Variants in GLCCI1 observed in about 807,000 individuals in gnomAD.
GLCCI1 encodes glucocorticoid induced 1, also known as glucocorticoid-induced transcript 1 protein.
GLCCI1 carries 24 observed loss-of-function variants against 52.2 expected under a neutral mutation model. The observed-to-expected ratio is 0.46, with a 90% confidence interval of 0.33 to 0.65. GLCCI1 has a LOEUF of 0.65. Ranked by LOEUF, GLCCI1 falls within the 30% of genes least tolerant of loss-of-function variation. The pLI is 0.02. For missense variants in GLCCI1, 704 were observed against 701.5 expected, an observed-to-expected ratio of 1.00 and a Z score of -0.04; for synonymous variants, 310 against 276.5, an observed-to-expected ratio of 1.12 and a Z score of -1.20.
intron 1 of GLCCI1, among the ~76,000 whole-genome samples, chr7:7,995,312 C>T (rs548147102): frequency 2.0e-4 from 31 of 152,172 alleles, no homozygotes; most frequent in Non-Finnish European, 4.0e-4. Context: ...AGTTCCAGAC[C>T]GTCCTGGGCA....
chr7:7,972,620 A>G (rs1490554432), intron 1 of GLCCI1, among the ~76,000 whole-genome samples: 5 of 152,208 alleles, frequency 3.3e-5, no homozygotes, highest in Non-Finnish European at 7.3e-5. Flanking sequence ...AATAAATTAT[A>G]TCATTATCTG....
intron 2 of GLCCI1, among the ~76,000 whole-genome samples, chr7:8,006,757 C>T (rs1485783876): frequency 6.6e-5 from 10 of 152,140 alleles, no homozygotes; most frequent in Admixed American, 2.0e-4. Flanking sequence ...AGTTACATGC[C>T]GGTATATGTC....
chr7:8,022,004 A>G (rs1434136586), intron 2 of GLCCI1, among the ~76,000 whole-genome samples: 1 of 152,208 alleles, frequency 6.6e-6, no homozygotes, highest in Non-Finnish European at 1.5e-5. Flanking sequence ...CAAAAAAGAT[A>G]CTAATACTTA....
At chr7:8,051,431 A>G (rs1047080684) in intron 3 of GLCCI1, among the ~76,000 whole-genome samples, 1 of 152,194 alleles carries the variant, frequency 6.6e-6, no homozygotes, top group Non-Finnish European at 1.5e-5. Flanking sequence ...TGGGCATGTC[A>G]TTCATTTCTG....
At chr7:7,981,921 C>A in intron 1 of GLCCI1, 1 of 458,442 alleles carries the variant, frequency 2.2e-6, no homozygotes, top group South Asian at 1.6e-5. Flanking sequence ...GAAGAAAACC[C>A]ATCACTGCTC....
chr7:8,056,004 A>AC (rs1179895138), intron 4 of GLCCI1, among the ~76,000 whole-genome samples: 9 of 147,058 alleles, frequency 6.1e-5, no homozygotes, highest in Non-Finnish European at 1.4e-4. Context: ...AAAAAAAAAA[A>AC]AAACAAAAAC....
chr7:8,047,434 A>T (rs1782156139), intron 3 of GLCCI1, among the ~76,000 whole-genome samples: 1 of 152,212 alleles, frequency 6.6e-6, no homozygotes, highest in East Asian at 1.9e-4. Flanking sequence ...TCTGCTAAGG[A>T]AATAAGGATT....
chr7:8,087,544 A>G lies in GLCCI1; in HGVS notation c.*1006A>G, dbSNP rs1420371571. 1 of 152,582 alleles carries G rather than the reference A, an allele frequency of 6.6e-6. No individual in the cohort carries two copies. Among genetic ancestry groups the G allele is most frequent in the African/African-American group, 2.4e-5 (1 of 41,460 alleles). 9.5% of individuals were successfully genotyped at this position (152,582 alleles called of 1,614,324 possible). On this transcript the variant is annotated 3_prime_UTR_variant, in exon 8 of 8. Coordinates refer to ENST00000223145, the MANE Select transcript of GLCCI1 (RefSeq NM_138426.4). ...TGGTTGAGATTTTTTTGTTTATGTT[A>G]GCCATCAGGGTCATAACTGTTACCA...
At chr7:8,078,856 G>A (rs1431017755) in intron 6 of GLCCI1, 7 of 152,138 alleles carry the variant, frequency 4.6e-5, no homozygotes, top group African/African-American at 1.7e-4. Flanking sequence ...TATTGGAGAT[G>A]GAACAGACTT....
chr7:8,040,156 C>G (rs1415171616), intron 3 of GLCCI1, among the ~76,000 whole-genome samples: 2 of 152,018 alleles, frequency 1.3e-5, no homozygotes, highest in African/African-American at 4.8e-5. Context: ...AAAAGGTGTT[C>G]AACATCATTC....
At chr7:7,974,936 T>G (rs975788590) in intron 1 of GLCCI1, among the ~76,000 whole-genome samples, 1 of 152,226 alleles carries the variant, frequency 6.6e-6, no homozygotes, top group African/African-American at 2.4e-5. Context: ...ACTGACACTC[T>G]TTTTGTGCTA....
intron 1 of GLCCI1, 21 bp from the exon 2 acceptor site, chr7:8,003,887 C>CT (rs745549907): frequency 1.6e-5 from 25 of 1,588,534 alleles, no homozygotes; most frequent in Admixed American, 3.5e-5. Flanking sequence ...AATGACTAAT[C>CT]TTTTTTTTCA....
At chr7:8,002,069 C>T (rs1405616294) in intron 1 of GLCCI1, among the ~76,000 whole-genome samples, 4 of 151,328 alleles carry the variant, frequency 2.6e-5, no homozygotes, top group African/African-American at 7.3e-5. Context: ...ACATTGTGCA[C>T]ATGTACCCTA....
chr7:8,085,125 T>G, intron 7 of GLCCI1, 108 bp downstream of exon 7: 1 of 1,245,166 alleles, frequency 8.0e-7, no homozygotes, highest in Non-Finnish European at 1.1e-6. Flanking sequence ...GATAATGTGT[T>G]TCAAGAGCAA....
chr7:7,979,291 C>T (rs1262210503), intron 1 of GLCCI1, among the ~76,000 whole-genome samples: 1 of 152,100 alleles, frequency 6.6e-6, no homozygotes, highest in Non-Finnish European at 1.5e-5. Context: ...AAAACGCATT[C>T]AGGGAATTGC....
At chr7:8,033,900 A>C (rs893111287) in intron 3 of GLCCI1, among the ~76,000 whole-genome samples, 2 of 152,182 alleles carry the variant, frequency 1.3e-5, no homozygotes, top group African/African-American at 4.8e-5. Context: ...AGGAATTGAC[A>C]AGCTAATCCT....
intron 4 of GLCCI1, among the ~76,000 whole-genome samples, chr7:8,056,008 C>A (rs1179838610): frequency 0.01 from 1,197 of 118,346 alleles, 22 homozygotes; most frequent in African/African-American, 0.034. Context: ...AAAAAAAAAA[C>A]AAAAACCAGC....
intron 1 of GLCCI1, among the ~76,000 whole-genome samples, chr7:7,970,740 AAAGG>A (rs909937292): frequency 1.2e-4 from 18 of 152,252 alleles, no homozygotes; most frequent in African/African-American, 3.9e-4. Context: ...CTGGGGGAGA[AAAGG>A]AAGATTAGCC....
At position 8,027,528 on chromosome 7, in the gene GLCCI1, C is replaced by T. The variant is rs142395286; in HGVS notation, c.696+4959C>T. Reference sequence around the variant, plus strand: ...AAGGCATACCACCACAAAAAAATCACCAAAAGGAAGACAAGAAGGGTAGAA... The same window carrying T: ...AAGGCATACCACCACAAAAAAATCATCAAAAGGAAGACAAGAAGGGTAGAA... On this transcript the variant is annotated intron_variant, in intron 3 of 7. Coordinates refer to ENST00000223145, the MANE Select transcript of GLCCI1 (RefSeq NM_138426.4). Among the ~76,000 whole-genome samples the T allele has an allele frequency of 7.3e-5, 11 of 151,332 alleles. No homozygotes were observed. In the East Asian group the frequency reaches 2.1e-3, roughly 29 times the overall value.
Sources: gnomAD v4.1 joint callset for allele counts (sites outside exome capture counted in the v4.1 genomes callset) on GRCh38, gnomAD v4.1.1 for gene constraint, MANE v1.5 for transcripts, NCBI Gene and HGNC (gene_info 2026-07-23, HGNC 2026-07-21) for gene names.